The following USP13 variants were observed in gnomAD, a reference collection of about 807,000 sequenced individuals.
The protein encoded by USP13 is ubiquitin specific peptidase 13, also known as ubiquitin carboxyl-terminal hydrolase 13.
A neutral mutation model predicts 107.8 loss-of-function variants in USP13; 68 were observed. That is an observed-to-expected ratio of 0.63 (90% CI 0.52 to 0.77). The LOEUF (loss-of-function observed/expected upper bound fraction) is 0.77, where lower values mean the gene tolerates loss of function less well. Ranked by LOEUF, USP13 falls within the 30% of genes least tolerant of loss-of-function variation. The probability of loss-of-function intolerance (pLI) is 0.00; values close to 1 mark genes in which losing one functional copy is unlikely to be tolerated. For missense variants in USP13, 945 were observed against 1,093.3 expected (o/e 0.86, Z 1.91); for synonymous variants, 377 against 389.5 (o/e 0.97, Z 0.38).
rs1453447559 is a variant in USP13, at chr3:179,653,673, A to C, written c.168+280A>C. ...CAGCCCCGCCGCCGTTTAAAGATAG[A>C]TGAAATACAAGAGTTCCCTGTTCCG... On this transcript the variant is annotated intron_variant, in intron 1 of 20. Transcript: ENST00000263966. The surrounding 1 kb of genome is among the most constrained non-coding windows in gnomAD (Gnocchi z 4.0). 9.3e-6 allele frequency: 4 copies of C among 429,020 alleles called. No homozygotes were observed. The highest frequency in any genetic ancestry group is 1.7e-5 in the Non-Finnish European group (4 of 237,156). 26.6% of individuals were successfully genotyped at this position (429,020 alleles called of 1,614,324 possible). A position where few individuals can be genotyped will look rare whatever the true frequency, so the allele number is the denominator to read the frequency against.
At chr3:179,750,152 C>T (rs866588864) in intron 13 of USP13, among the ~76,000 whole-genome samples, 19 of 151,562 alleles carry the variant, frequency 1.3e-4, no homozygotes, top group Middle Eastern at 3.4e-3. Context: ...GTAATCCCAG[C>T]GACTCAGGAG....
chr3:179,751,464 C>T lies in USP13; in HGVS notation c.1710-821C>T, dbSNP rs181310495. 2.1e-3 allele frequency among the ~76,000 whole-genome samples: 323 copies of T among 152,174 alleles called. 2 individuals are homozygous for T. The highest frequency in any genetic ancestry group is 4.0e-3 in the Non-Finnish European group (269 of 68,006). The stretch of plus-strand genomic sequence containing the variant: ...AACCTCAGCCAAAGTTGCAGTAAGC[C>T]CTTCGTCCGCCAACTCTGCGCTATA... On this transcript the variant is annotated intron_variant, in intron 13 of 20. Coordinates refer to ENST00000263966, the MANE Select transcript of USP13 (RefSeq NM_003940.3).
chr3:179,736,296 C>G (rs1333861271), intron 10 of USP13, among the ~76,000 whole-genome samples: 3 of 152,152 alleles, frequency 2.0e-5, no homozygotes, highest in Non-Finnish European at 4.4e-5. Flanking sequence ...GATCTGGAGG[C>G]TTCATGAGAT....
At chr3:179,668,299 G>T (rs1011638549) in intron 1 of USP13, among the ~76,000 whole-genome samples, 2 of 152,066 alleles carry the variant, frequency 1.3e-5, no homozygotes, top group African/African-American at 4.8e-5. Flanking sequence ...CATGCCTGCT[G>T]CTGGATTAAT....
intron 19 of USP13, among the ~76,000 whole-genome samples, chr3:179,769,481 C>T (rs900300428): frequency 4.6e-5 from 7 of 152,104 alleles, no homozygotes; most frequent in African/African-American, 1.4e-4. Flanking sequence ...GATCTTGGCT[C>T]ATTGCAGCCT....
chr3:179,775,601 A>C (rs1372308838), intron 19 of USP13, among the ~76,000 whole-genome samples: 5 of 152,162 alleles, frequency 3.3e-5, no homozygotes, highest in African/African-American at 4.8e-5. Flanking sequence ...TGGGCCATGC[A>C]GGAGCCCACC....
At chr3:179,774,596 T>G (rs182580106) in intron 19 of USP13, among the ~76,000 whole-genome samples, 46 of 151,814 alleles carry the variant, frequency 3.0e-4, no homozygotes, top group Non-Finnish European at 4.0e-4. Flanking sequence ...GGAGTGAAGC[T>G]GCAGACCTTT....
At chr3:179,750,344 A>G (rs933173993) in intron 13 of USP13, among the ~76,000 whole-genome samples, 7 of 145,616 alleles carry the variant, frequency 4.8e-5, no homozygotes, top group African/African-American at 1.8e-4. Flanking sequence ...ATATATATAT[A>G]TGTATATATA....
intron 2 of USP13, among the ~76,000 whole-genome samples, chr3:179,688,226 C>CATCT (rs1711963861): frequency 6.7e-6 from 1 of 148,920 alleles, no homozygotes; most frequent in Non-Finnish European, 1.5e-5. Context: ...TCCATCCATC[C>CATCT]ATCCATCCAT....
chr3:179,763,772 G>A (rs909926481), intron 17 of USP13, among the ~76,000 whole-genome samples: 3 of 152,140 alleles, frequency 2.0e-5, no homozygotes, highest in African/African-American at 7.2e-5. Flanking sequence ...TTTTAGTAGA[G>A]ACAGGATTTT....
chr3:179,761,119 C>T lies in USP13; in HGVS notation c.1956C>T (p.Asp652=), dbSNP rs776734825. The T allele has an allele frequency of 8.7e-6, 14 of 1,614,170 alleles. No individual in the cohort carries two copies. The South Asian group carries it at 1.4e-4, about 16-fold the overall frequency. The change falls in exon 17 of 21, where the codon GAC becomes GAT. Residue 652 remains aspartate, a synonymous_variant. Transcript: ENST00000263966. ...RLMNQLIDPS[D]IDESSVMQLA... Reference sequence around the variant, plus strand: ...TCCTGTTGTGCTCTGTAGCATCAGACATCGATGAGTCATCAGTGATGCAGC... The same window carrying T: ...TCCTGTTGTGCTCTGTAGCATCAGATATCGATGAGTCATCAGTGATGCAGC...
chr3:179,755,705 T>C (rs1277184257), intron 15 of USP13, among the ~76,000 whole-genome samples: 2 of 152,280 alleles, frequency 1.3e-5, no homozygotes, highest in Non-Finnish European at 2.9e-5. Flanking sequence ...TCAGTTATCC[T>C]GATGAAATCA....
In USP13 at chr3:179,740,354, C is replaced by T. The variant is rs1295305802; in HGVS notation, c.1362C>T (p.His454=). ...RQQDAQEFFL[H]LVNLVERNRI... is the part of the protein sequence containing the mutation. ...AAGATGCCCAGGAATTCTTCTTGCA[C>T]CTGGTGAATCTAGTAGAGGTGAGTA... Residue 454 remains histidine (H), a synonymous_variant, in exon 11 of 21, where the codon CAC becomes CAT. Coordinates refer to ENST00000263966, the MANE Select transcript of USP13 (RefSeq NM_003940.3). 1 of 1,614,036 alleles carries T rather than the reference C, an allele frequency of 6.2e-7. No homozygotes were observed. Among genetic ancestry groups the T allele is most frequent in the Non-Finnish European group, 8.5e-7 (1 of 1,179,992 alleles).
rs1296640638 is a variant in USP13 at position 179,708,781 on chromosome 3, A to G, written c.629A>G (p.Lys210Arg). The G allele has an allele frequency of 6.2e-7, 1 of 1,614,124 alleles. No individual in the cohort carries two copies. Among genetic ancestry groups the G allele is most frequent in the South Asian group, 1.1e-5 (1 of 91,066 alleles). The change falls in exon 6 of 21, where the codon AAG becomes AGG. Residue 210 changes from lysine (K) to arginine (R), a missense_variant. Transcript: ENST00000263966. ...CTCCAATGGCTTTCCAGTGGTTGGA[A>G]GTGTGCCAGATGCGACCTGCGAGAA... ...NGVRIPPSGW[K>R]CARCDLRENL...
chr3:179,774,848 C>T (rs1209279639), intron 19 of USP13, among the ~76,000 whole-genome samples: 1 of 152,214 alleles, frequency 6.6e-6, no homozygotes, highest in African/African-American at 2.4e-5. Flanking sequence ...TCCATTTTGA[C>T]AGGGTGCTGA....
Position 179,786,960 on chromosome 3 carries a change from C to T in USP13, c.*2819C>T, listed in dbSNP as rs1198841822. ...GTAATGTATCAAAGTTTTTATTTTG[C>T]CAATTGATCTAAATGCCCATATAAC... On this transcript the variant is annotated 3_prime_UTR_variant, in exon 21 of 21. Coordinates refer to ENST00000263966, the MANE Select transcript of USP13 (RefSeq NM_003940.3). 7 of 151,988 alleles carry T rather than the reference C, an allele frequency of 4.6e-5. No homozygotes were observed. Among genetic ancestry groups the T allele is most frequent in the Non-Finnish European group, 1.0e-4 (7 of 68,010 alleles). The allele number at this position is 151,988 out of a possible 1,614,324, so 9.4% of individuals were successfully genotyped here.
chr3:179,716,913 C>A (rs1482858986), intron 6 of USP13, among the ~76,000 whole-genome samples: 1 of 151,904 alleles, frequency 6.6e-6, no homozygotes, highest in Non-Finnish European at 1.5e-5. Flanking sequence ...TTTTTTTAAT[C>A]TTTTTTCTTC....
At chr3:179,689,297 C>T (rs978785000) in intron 2 of USP13, among the ~76,000 whole-genome samples, 8 of 152,156 alleles carry the variant, frequency 5.3e-5, no homozygotes, top group African/African-American at 1.9e-4. Context: ...TGAATGGCCT[C>T]TTTTGTATTA....
At chr3:179,724,755 A>G (rs1713453286) in intron 8 of USP13, among the ~76,000 whole-genome samples, 1 of 152,242 alleles carries the variant, frequency 6.6e-6, no homozygotes, top group Admixed American at 6.5e-5. Flanking sequence ...AACAGGAGGT[A>G]TAACATCTAT....
Sources: allele counts gnomAD v4.1 joint callset (sites outside exome capture counted in the v4.1 genomes callset), GRCh38; gene constraint gnomAD v4.1.1; non-coding constraint Gnocchi (gnomAD v3.1); transcripts MANE v1.5; gene names NCBI Gene and HGNC (gene_info 2026-07-23, HGNC 2026-07-21).